URI1: variants seen among roughly 807,000 people sequenced by gnomAD.
URI1 encodes the protein URI1 prefoldin like chaperone.
Under a neutral mutation model 60.2 loss-of-function variants are expected in URI1, and 39 were observed. The observed-to-expected ratio is 0.65, with a 90% CI of 0.50 to 0.85. The LOEUF is 0.85. Ranked by LOEUF, URI1 falls within the 40% of genes least tolerant of loss-of-function variation. The probability of loss-of-function intolerance (pLI) is 0.00; values close to 1 mark genes in which losing one functional copy is unlikely to be tolerated. For synonymous variants in URI1, 251 were observed against 236.8 expected (o/e 1.06, Z -0.55); for missense variants, 691 against 665.9 (o/e 1.04, Z -0.42).
chr19:30,009,912 T>G (rs987898907), intron 8 of URI1, among the ~76,000 whole-genome samples: 4 of 152,164 alleles, frequency 2.6e-5, no homozygotes, highest in African/African-American at 9.7e-5. Context: ...AATACAGAGT[T>G]TTAAAGCTTT....
intron 1 of URI1, among the ~76,000 whole-genome samples, chr19:29,948,627 C>T (rs879603742): frequency 1.3e-5 from 2 of 152,144 alleles, no homozygotes; most frequent in Non-Finnish European, 2.9e-5. Flanking sequence ...TGAGTGGACA[C>T]AGCACATGTT....
At chr19:29,952,043 A>G (rs1324322398) in intron 1 of URI1, among the ~76,000 whole-genome samples, 1 of 152,236 alleles carries the variant, frequency 6.6e-6, no homozygotes, top group Non-Finnish European at 1.5e-5. Flanking sequence ...CATCAAGCAG[A>G]CAGTACTAAG....
intron 4 of URI1, among the ~76,000 whole-genome samples, chr19:30,000,491 ACT>A (rs1428436898): frequency 6.6e-6 from 1 of 151,622 alleles, no homozygotes; most frequent in Non-Finnish European, 1.5e-5. Context: ...TATCTGAATA[ACT>A]CTTATATTCC....
chr19:30,010,707 T>A (rs1232677049), intron 8 of URI1, among the ~76,000 whole-genome samples: 1 of 152,230 alleles, frequency 6.6e-6, no homozygotes, highest in African/African-American at 2.4e-5. Flanking sequence ...CTTTTATGAC[T>A]TAAAGGTTGT....
intron 1 of URI1, among the ~76,000 whole-genome samples, chr19:29,953,524 C>A (rs1050426509): frequency 6.6e-6 from 1 of 152,044 alleles, no homozygotes; most frequent in Non-Finnish European, 1.5e-5. Context: ...TTATTGAAAG[C>A]GAAAAGCAGA....
chr19:29,979,278 AAAG>A (rs1424035568), intron 2 of URI1, among the ~76,000 whole-genome samples: 2 of 152,164 alleles, frequency 1.3e-5, no homozygotes, highest in African/African-American at 4.8e-5. Flanking sequence ...TGGAAAATAA[AAAG>A]AACAAAAATT....
At chr19:29,954,710 G>C (rs2055222096) in intron 1 of URI1, among the ~76,000 whole-genome samples, 1 of 151,788 alleles carries the variant, frequency 6.6e-6, no homozygotes, top group African/African-American at 2.4e-5. Flanking sequence ...TAGAAATGGA[G>C]TTTGACCATG....
chr19:30,006,775 T>C (rs932639276), intron 6 of URI1, among the ~76,000 whole-genome samples: 2 of 152,078 alleles, frequency 1.3e-5, no homozygotes, highest in African/African-American at 4.8e-5. Context: ...ATAAAGCAAA[T>C]AAAGCCTTAA....
upstream of URI1, among the ~76,000 whole-genome samples, chr19:29,938,309 T>C (rs2054991605): frequency 6.6e-6 from 1 of 152,048 alleles, no homozygotes; most frequent in Non-Finnish European, 1.5e-5. Flanking sequence ...GCACGTCACA[T>C]GGCAAGTGGA....
intron 1 of URI1, among the ~76,000 whole-genome samples, chr19:29,953,993 A>C (rs533213293): frequency 6.6e-6 from 1 of 152,224 alleles, no homozygotes; most frequent in Non-Finnish European, 1.5e-5. Context: ...AACTGGGTTC[A>C]ATGGACCCTG....
intron 4 of URI1, among the ~76,000 whole-genome samples, chr19:29,991,661 G>GT (rs1294017828): frequency 6.6e-6 from 1 of 152,098 alleles, no homozygotes; most frequent in African/African-American, 2.4e-5. Flanking sequence ...GTAAGAGTAG[G>GT]TAGGTGTCTT....
intron 6 of URI1, 58 bp from the exon 7 acceptor site, chr19:30,007,412 G>A: frequency 1.9e-6 from 3 of 1,574,220 alleles, no homozygotes; most frequent in East Asian, 2.3e-5. Context: ...TTAAGTCTGG[G>A]TTTGTGCCTT....
intron 1 of URI1, among the ~76,000 whole-genome samples, chr19:29,948,653 C>A (rs2145243040): frequency 6.6e-6 from 1 of 152,256 alleles, no homozygotes; most frequent in East Asian, 1.9e-4. Context: ...GAGCACGGGG[C>A]TGGGGGTAAG....
intron 1 of URI1, among the ~76,000 whole-genome samples, chr19:29,970,128 A>ATTTTTTTTTTT (rs199739403): frequency 2.7e-5 from 2 of 74,562 alleles, no homozygotes; most frequent in African/African-American, 9.6e-5. Flanking sequence ...AATCGTGTGT[A>ATTTTTTTTTTT]TTTTTTTTTT....
At chr19:29,984,685 A>G (rs931834115) in intron 2 of URI1, among the ~76,000 whole-genome samples, 1 of 152,148 alleles carries the variant, frequency 6.6e-6, no homozygotes, top group African/African-American at 2.4e-5. Flanking sequence ...TAAAACTAAA[A>G]ATAAAACCAC....
At chr19:29,994,422 C>T (rs560226551) in intron 4 of URI1, among the ~76,000 whole-genome samples, 1 of 151,970 alleles carries the variant, frequency 6.6e-6, no homozygotes, top group Non-Finnish European at 1.5e-5. Context: ...GATAACTCCC[C>T]ATTTTTTCCT....
intron 2 of URI1, among the ~76,000 whole-genome samples, chr19:29,973,264 C>T (rs1278172179): frequency 6.6e-6 from 1 of 152,128 alleles, no homozygotes; most frequent in Non-Finnish European, 1.5e-5. Context: ...AATTCATAGC[C>T]AGACATATAA....
At chr19:29,936,531 A>G (rs984915335) in intron 1 of URI1, among the ~76,000 whole-genome samples, 3 of 152,114 alleles carry the variant, frequency 2.0e-5, no homozygotes, top group Non-Finnish European at 4.4e-5. Flanking sequence ...TCTGGCTGTG[A>G]GTTTCAGTAT....
At chr19:30,011,018 A>G in intron 8 of URI1, 76 bp from the exon 9 acceptor site, 2 of 1,480,948 alleles carry the variant, frequency 1.4e-6, no homozygotes, top group Admixed American at 2.2e-5. Context: ...TTTTTTAGTT[A>G]TAGAGTTTAT....
Sources: gnomAD v4.1 joint callset for allele counts (sites outside exome capture counted in the v4.1 genomes callset) on GRCh38, gnomAD v4.1.1 for gene constraint, MANE v1.5 for transcripts, NCBI Gene and HGNC (gene_info 2026-07-23, HGNC 2026-07-21) for gene names.